ZNF423: variants seen among roughly 807,000 people sequenced by gnomAD.
ZNF423 encodes Ebf-associated zinc finger protein.
A neutral mutation model predicts 95.8 loss-of-function variants in ZNF423; 12 were observed. The ratio of observed to expected loss-of-function variants is 0.13; its 90% CI spans 0.08 to 0.20. The LOEUF (loss-of-function observed/expected upper bound fraction) is 0.20, where lower values mean the gene tolerates loss of function less well. Among genes scored for constraint, ZNF423 ranks in the 10% least tolerant of loss-of-function variants. The pLI, the probability that ZNF423 is intolerant of heterozygous loss-of-function variation, is 1.00. For missense variants in ZNF423, 1,316 were observed against 1,737.1 expected (o/e 0.76, Z 4.31); for synonymous variants, 749 against 711.9 (o/e 1.05, Z -0.83).
At position 49,731,239 on chromosome 16, in the gene ZNF423, AC is replaced by A. The variant is rs1311996218; in HGVS notation, c.101-269del. ...CTGTGCACGGATGCTGGGGGCCGTG[AC>A]CCATCGGAGAGGTGAAAAACCTTAT... On this transcript the variant is annotated intron_variant, in intron 2 of 7. Coordinates refer to ENST00000563137, the MANE Select transcript of ZNF423 (RefSeq NM_001379286.1). 9 of 826,760 alleles carry A rather than the reference AC, an allele frequency of 1.1e-5. No individual in the cohort carries two copies. The African/African-American group carries it at 1.7e-4, about 15-fold the overall frequency. 51.2% of individuals were successfully genotyped at this position (826,760 alleles called of 1,614,324 possible).
At chr16:49,524,334 A>G (rs1360138878) in intron 6 of ZNF423, among the ~76,000 whole-genome samples, 1 of 152,162 alleles carries the variant, frequency 6.6e-6, no homozygotes, top group East Asian at 1.9e-4. Context: ...ACAAATTCCT[A>G]TTTTTATTGT....
At chr16:49,801,545 T>C (rs2034583307) in intron 1 of ZNF423, among the ~76,000 whole-genome samples, 1 of 152,240 alleles carries the variant, frequency 6.6e-6, no homozygotes, top group South Asian at 2.1e-4. Context: ...CACACTGTGA[T>C]GTGCACTTCG....
chr16:49,520,985 A>G (rs946359322), intron 7 of ZNF423, among the ~76,000 whole-genome samples: 1 of 152,212 alleles, frequency 6.6e-6, no homozygotes, highest in African/African-American at 2.4e-5. Flanking sequence ...GTATTTGAGG[A>G]TCTGACTTAA....
chr16:49,621,229 G>T (rs779373975), intron 5 of ZNF423, among the ~76,000 whole-genome samples: 1 of 152,186 alleles, frequency 6.6e-6, no homozygotes, highest in Non-Finnish European at 1.5e-5. Context: ...TGTGCCTTCT[G>T]GGGGAGGAAG....
chr16:49,509,077 C>T (rs905595049), intron 7 of ZNF423, among the ~76,000 whole-genome samples: 3 of 152,226 alleles, frequency 2.0e-5, no homozygotes, highest in African/African-American at 4.8e-5. Context: ...TATATATTAT[C>T]TTTACTTCTC....
At chr16:49,791,895 G>A (rs139637452) in intron 1 of ZNF423, among the ~76,000 whole-genome samples, 8 of 151,746 alleles carry the variant, frequency 5.3e-5, no homozygotes, top group African/African-American at 1.5e-4. Context: ...TCAGCTACTC[G>A]GGAGGCTAAG....
At chr16:49,522,454 CAG>C (rs1310952707) in intron 7 of ZNF423, among the ~76,000 whole-genome samples, 2 of 152,108 alleles carry the variant, frequency 1.3e-5, no homozygotes, top group Non-Finnish European at 2.9e-5. Flanking sequence ...ATATTATGAA[CAG>C]AGTCTCTTCC....
At chr16:49,596,555 C>T (rs1391643461) in intron 5 of ZNF423, among the ~76,000 whole-genome samples, 1 of 152,178 alleles carries the variant, frequency 6.6e-6, no homozygotes, top group African/African-American at 2.4e-5. Context: ...TAATTGAGAG[C>T]AGGCGATTTT....
intron 2 of ZNF423, among the ~76,000 whole-genome samples, chr16:49,747,935 A>G (rs2033558383): frequency 1.3e-5 from 2 of 152,222 alleles, no homozygotes; most frequent in African/African-American, 4.8e-5. Flanking sequence ...AGCCCTGGTT[A>G]GGGGATGAGC....
intron 5 of ZNF423, among the ~76,000 whole-genome samples, chr16:49,547,728 C>G (rs141372535): frequency 3.5e-4 from 54 of 152,318 alleles, no homozygotes; most frequent in African/African-American, 1.3e-3. Flanking sequence ...AAATGCTGGG[C>G]GTTGTCCTGG....
intron 1 of ZNF423, among the ~76,000 whole-genome samples, chr16:49,839,243 C>T (rs1262960361): frequency 2.0e-5 from 3 of 152,054 alleles, no homozygotes; most frequent in Admixed American, 2.0e-4. Context: ...ATCCCACCTC[C>T]CGTCCTGGAA....
intron 1 of ZNF423, among the ~76,000 whole-genome samples, chr16:49,832,884 G>A (rs1218029950): frequency 6.6e-6 from 1 of 152,234 alleles, no homozygotes; most frequent in South Asian, 2.1e-4. Flanking sequence ...CATTGCTTAG[G>A]AGACAGAAGC....
intron 1 of ZNF423, among the ~76,000 whole-genome samples, chr16:49,843,463 G>A (rs150925393): frequency 6.3e-4 from 96 of 152,290 alleles, no homozygotes; most frequent in African/African-American, 2.1e-3. Flanking sequence ...CCCAGGTAAT[G>A]TTATTTTTTA....
At chr16:49,769,672 A>G (rs2033995956) in intron 2 of ZNF423, among the ~76,000 whole-genome samples, 1 of 151,204 alleles carries the variant, frequency 6.6e-6, no homozygotes, top group African/African-American at 2.4e-5. Flanking sequence ...TCCCCTCGAC[A>G]ATCTCCCAAC....
At chr16:49,519,027 G>A (rs1968276938) in intron 7 of ZNF423, among the ~76,000 whole-genome samples, 1 of 152,208 alleles carries the variant, frequency 6.6e-6, no homozygotes. Flanking sequence ...TCACACTCCT[G>A]CACTCCAGCC....
rs760335025 is a variant in ZNF423, at chr16:49,837,003, C to T, written c.40+18732G>A. Among the ~76,000 whole-genome samples, 28 of 152,296 alleles carry T rather than the reference C, an allele frequency of 1.8e-4. No homozygotes were observed. In the Middle Eastern group the frequency reaches 0.01, roughly 56 times the overall value. On this transcript the variant is annotated intron_variant, in intron 1 of 7. Transcript: ENST00000563137. Reference sequence around the variant, plus strand: ...TTCAGAATAAAGCCCACTCAGATTCCCAATTCAAAGTGGACTGTGGACGCC... The same window carrying T: ...TTCAGAATAAAGCCCACTCAGATTCTCAATTCAAAGTGGACTGTGGACGCC...
chr16:49,636,191 C>T lies in ZNF423; in HGVS notation c.2985G>A (p.Thr995=), dbSNP rs747416859. 9.9e-6 allele frequency: 16 copies of T among 1,613,488 alleles called. No homozygotes were observed. Among genetic ancestry groups the T allele is most frequent in the African/African-American group, 1.3e-5 (1 of 75,054 alleles). The change falls in exon 4 of 8, where the codon ACG becomes ACA. Residue 995 remains threonine, a synonymous_variant. Transcript: ENST00000563137. This position sits in a 1 kb window ranked among gnomAD's most constrained non-coding sequence, Gnocchi z 8.6. ...HKVTHSKSLD[T]GTCRICKMPL... is the part of the protein sequence containing the mutation. ...GCATCTTGCAGATGCGACAGGTGCC[C>T]GTGTCCAGGCTCTTGCTGTGGGTCA...
Position 49,750,783 on chromosome 16 carries a change from G to A in ZNF423, c.101-19812C>T, listed in dbSNP as rs2033619597. 2.6e-5 allele frequency among the ~76,000 whole-genome samples: 4 copies of A among 152,210 alleles called. No individual in the cohort carries two copies. In the South Asian group the frequency reaches 8.3e-4, roughly 32 times the overall value. ...GGAAATAAAATAATTGACGTGACAG[G>A]GGCTGGAAGACGCCAGCTCCAGCCA... On this transcript the variant is annotated intron_variant, in intron 2 of 7. Transcript: ENST00000563137.
intron 5 of ZNF423, among the ~76,000 whole-genome samples, chr16:49,624,586 A>G (rs1972197706): frequency 6.6e-6 from 1 of 152,064 alleles, no homozygotes; most frequent in African/African-American, 2.4e-5. Context: ...ACAAAAGAAG[A>G]CATGTCCATG....
Sources: gnomAD v4.1 joint callset for allele counts (sites outside exome capture counted in the v4.1 genomes callset) on GRCh38, gnomAD v4.1.1 for gene constraint, Gnocchi (gnomAD v3.1) non-coding constraint, MANE v1.5 for transcripts, NCBI Gene and HGNC (gene_info 2026-07-23, HGNC 2026-07-21) for gene names.